The following GPC5 variants were observed in gnomAD, a reference collection of about 807,000 sequenced individuals.
The protein encoded by GPC5 is glypican-5.
Under a neutral mutation model 53.9 loss-of-function variants are expected in GPC5, and 47 were observed. That is an observed-to-expected ratio of 0.87 (90% CI 0.69 to 1.11). GPC5 has a LOEUF of 1.11. Among genes scored for constraint, GPC5 ranks in the 50% most tolerant of loss-of-function variants. GPC5 has a pLI of 0.00. For synonymous variants in GPC5, 286 were observed against 263.3 expected, an observed-to-expected ratio of 1.09 and a Z score of -0.84; for missense variants, 748 against 713.1, an observed-to-expected ratio of 1.05 and a Z score of -0.56.
intron 7 of GPC5, among the ~76,000 whole-genome samples, chr13:92,824,699 T>C (rs895334150): frequency 7.1e-6 from 1 of 140,926 alleles, no homozygotes; most frequent in Non-Finnish European, 1.5e-5. Flanking sequence ...AATATCTTAC[T>C]TTAAATCTAA....
chr13:91,523,242 C>T (rs1885921697), intron 2 of GPC5, among the ~76,000 whole-genome samples: 2 of 152,014 alleles, frequency 1.3e-5, no homozygotes. Context: ...AGCTGCTGGG[C>T]ATATATCCAA....
At chr13:91,901,558 G>A (rs2039497253) in intron 5 of GPC5, among the ~76,000 whole-genome samples, 1 of 152,020 alleles carries the variant, frequency 6.6e-6, no homozygotes, top group South Asian at 2.1e-4. Flanking sequence ...ACTTGGCAAT[G>A]GAATCCAGTA....
chr13:91,606,269 G>T (rs1052037388), intron 2 of GPC5, among the ~76,000 whole-genome samples: 3 of 150,146 alleles, frequency 2.0e-5, no homozygotes, highest in Non-Finnish European at 1.5e-5. Context: ...ATTGATTTGC[G>T]TATATTGAAC....
chr13:92,193,045 A>T (rs2042234195), intron 7 of GPC5, among the ~76,000 whole-genome samples: 1 of 152,010 alleles, frequency 6.6e-6, no homozygotes, highest in Non-Finnish European at 1.5e-5. Flanking sequence ...TGTGTTGGCG[A>T]GTGCCTGTAA....
chr13:91,628,802 A>T (rs1384432892), intron 2 of GPC5, among the ~76,000 whole-genome samples: 1 of 152,166 alleles, frequency 6.6e-6, no homozygotes, highest in Non-Finnish European at 1.5e-5. Flanking sequence ...TGTGCATATC[A>T]GTTCCATGGG....
intron 7 of GPC5, among the ~76,000 whole-genome samples, chr13:92,752,135 A>C (rs990013087): frequency 7.9e-5 from 12 of 151,282 alleles, no homozygotes; most frequent in Admixed American, 7.9e-4. Flanking sequence ...TGACATTTCG[A>C]AACAAATACG....
At chr13:91,486,433 T>A (rs1391839859) in intron 2 of GPC5, 1 of 152,256 alleles carries the variant, frequency 6.6e-6, no homozygotes, top group East Asian at 1.9e-4. Context: ...TCAACTGTGT[T>A]AAACCCATTG....
intron 1 of GPC5, among the ~76,000 whole-genome samples, chr13:91,410,370 A>G (rs9556083): frequency 0.77 from 105,232 of 136,394 alleles, 40,737 homozygotes; most frequent in Admixed American, 0.82. Flanking sequence ...TTTTGAGACC[A>G]AGTCTCTCTC....
intron 7 of GPC5, among the ~76,000 whole-genome samples, chr13:92,173,913 T>C (rs2042088463): frequency 6.6e-6 from 1 of 152,130 alleles, no homozygotes; most frequent in South Asian, 2.1e-4. Context: ...GAGACAAGCC[T>C]GGCCAACGTG....
intron 2 of GPC5, among the ~76,000 whole-genome samples, chr13:91,571,828 T>TACGTGTGTGTGTATAC (rs1566515542): frequency 9.3e-5 from 6 of 64,846 alleles, no homozygotes; most frequent in African/African-American, 1.7e-4. Flanking sequence ...TGTGTATATA[T>TACGTGTGTGTGTATAC]ACACATATAC....
chr13:92,440,662 T>G (rs1877513001), intron 7 of GPC5, among the ~76,000 whole-genome samples: 1 of 152,212 alleles, frequency 6.6e-6, no homozygotes, highest in Non-Finnish European at 1.5e-5. Context: ...CTTGGTTATT[T>G]GAGAAATCTC....
At chr13:92,002,004 C>G (rs1011289632) in intron 6 of GPC5, among the ~76,000 whole-genome samples, 2 of 152,142 alleles carry the variant, frequency 1.3e-5, no homozygotes, top group African/African-American at 4.8e-5. Flanking sequence ...AAAGAGTAAG[C>G]CTTTCTGTGC....
chr13:92,640,061 A>G (rs537629297), intron 7 of GPC5, among the ~76,000 whole-genome samples: 3 of 152,052 alleles, frequency 2.0e-5, no homozygotes, highest in African/African-American at 7.2e-5. Context: ...AATGTAGCTA[A>G]GCAAAGAAAC....
At chr13:91,566,819 A>G (rs1481762972) in intron 2 of GPC5, among the ~76,000 whole-genome samples, 1 of 152,186 alleles carries the variant, frequency 6.6e-6, no homozygotes, top group Non-Finnish European at 1.5e-5. Flanking sequence ...AAGGGATTTA[A>G]GAGGTTTTTA....
chr13:92,277,732 T>C (rs1463502778), intron 7 of GPC5, among the ~76,000 whole-genome samples: 2 of 151,918 alleles, frequency 1.3e-5, no homozygotes, highest in Admixed American at 6.6e-5. Flanking sequence ...ATCACAAAAA[T>C]GGCACTGCAG....
intron 7 of GPC5, among the ~76,000 whole-genome samples, chr13:92,651,747 G>A (rs1041069804): frequency 6.6e-6 from 1 of 152,150 alleles, no homozygotes; most frequent in African/African-American, 2.4e-5. Context: ...GATGTGGGCT[G>A]TATAGAAGTC....
chr13:91,821,990 A>G (rs1010134230), intron 5 of GPC5, among the ~76,000 whole-genome samples: 2 of 152,234 alleles, frequency 1.3e-5, no homozygotes, highest in Non-Finnish European at 2.9e-5. Flanking sequence ...GAAAGCCTTT[A>G]TCTTATACTG....
rs77354438 is a variant in GPC5, at chr13:91,524,541, G to C, written c.325+75619G>C. ...GTACATCTATCTTATTTTTCAAGGA[G>C]AAACGGCATTATTTATATTCTGTTC... On this transcript the variant is annotated intron_variant, in intron 2 of 7. Transcript: ENST00000377067. 7.0e-3 allele frequency among the ~76,000 whole-genome samples: 1,068 copies of C among 152,118 alleles called. 5 individuals carry two copies. The highest frequency in any genetic ancestry group is 0.011 in the Non-Finnish European group (778 of 67,996).
intron 7 of GPC5, among the ~76,000 whole-genome samples, chr13:92,851,832 G>T (rs1878814808): frequency 6.8e-6 from 1 of 146,816 alleles, no homozygotes; most frequent in African/African-American, 2.5e-5. Flanking sequence ...AGCTTGCAGT[G>T]AGCCAAGATG....
Sources: allele counts gnomAD v4.1 joint callset (sites outside exome capture counted in the v4.1 genomes callset), GRCh38; gene constraint gnomAD v4.1.1; transcripts MANE v1.5; gene names NCBI Gene and HGNC (gene_info 2026-07-23, HGNC 2026-07-21).